SNTB1: variants seen among roughly 807,000 people sequenced by gnomAD.
SNTB1 encodes beta-1-syntrophin.
SNTB1 carries 36 observed loss-of-function variants against 48.9 expected under a neutral mutation model. The ratio of observed to expected loss-of-function variants is 0.74; its 90% confidence interval spans 0.56 to 0.97. SNTB1 has a LOEUF of 0.97. SNTB1 is among the 50% of genes least tolerant of loss of function. The pLI, the probability that SNTB1 is intolerant of heterozygous loss-of-function variation, is 0.00. For synonymous variants in SNTB1, 299 were observed against 294.6 expected (o/e 1.01, Z -0.15); for missense variants, 786 against 703.4 (o/e 1.12, Z -1.33).
intron 1 of SNTB1, among the ~76,000 whole-genome samples, chr8:120,795,535 A>G (rs984651983): frequency 7.2e-5 from 11 of 152,074 alleles, no homozygotes; most frequent in African/African-American, 2.7e-4. Context: ...AATATCTAGA[A>G]TGCTAGAATT....
chr8:120,605,006 C>A (rs1816489983), intron 3 of SNTB1, among the ~76,000 whole-genome samples: 1 of 152,154 alleles, frequency 6.6e-6, no homozygotes, highest in Admixed American at 6.5e-5. Flanking sequence ...GTAGTAGCAT[C>A]CTGAATCCCC....
intron 1 of SNTB1, among the ~76,000 whole-genome samples, chr8:120,785,055 C>T (rs985423099): frequency 1.3e-5 from 2 of 152,150 alleles, no homozygotes; most frequent in African/African-American, 4.8e-5. Context: ...CAGACTCCAG[C>T]AGGGATGGAG....
rs141548756 is a variant in SNTB1 at position 120,765,301 on chromosome 8, G to A, written c.571+45972C>T. Among the ~76,000 whole-genome samples, 3 of 152,268 alleles carry A rather than the reference G, an allele frequency of 2.0e-5. No homozygotes were observed. In the East Asian group the frequency reaches 5.8e-4, roughly 29 times the overall value. ...TCTTCCTTATAGGGAGTAATGGATGGTATAAGAGATAAGTAGAATTTGTGG... is the reference window on the plus strand; with the variant it reads ...TCTTCCTTATAGGGAGTAATGGATGATATAAGAGATAAGTAGAATTTGTGG... On this transcript the variant is annotated intron_variant, in intron 1 of 6. Transcript: ENST00000517992.
chr8:120,566,436 G>C (rs1207765201), intron 4 of SNTB1, among the ~76,000 whole-genome samples: 1 of 151,654 alleles, frequency 6.6e-6, no homozygotes, highest in African/African-American at 2.4e-5. Flanking sequence ...TCCATCTATG[G>C]AACCGAGAAC....
intron 1 of SNTB1, among the ~76,000 whole-genome samples, chr8:120,728,308 A>C (rs1257075344): frequency 6.6e-6 from 1 of 152,132 alleles, no homozygotes; most frequent in Non-Finnish European, 1.5e-5. Flanking sequence ...AGTATTTTTT[A>C]AACAAAATAT....
intron 3 of SNTB1, among the ~76,000 whole-genome samples, chr8:120,584,459 AAAG>A (rs200852047): frequency 0.014 from 2,055 of 148,258 alleles, 27 homozygotes; most frequent in Non-Finnish European, 0.018. Flanking sequence ...AAAAAAAAAA[AAAG>A]TGTAGTAATT....
At chr8:120,618,286 A>G (rs1816746517) in intron 3 of SNTB1, among the ~76,000 whole-genome samples, 1 of 152,172 alleles carries the variant, frequency 6.6e-6, no homozygotes, top group Non-Finnish European at 1.5e-5. Context: ...GTTCCCTGAG[A>G]ATATCTTTGT....
At chr8:120,799,180 A>C (rs1820173379) in intron 1 of SNTB1, among the ~76,000 whole-genome samples, 1 of 152,006 alleles carries the variant, frequency 6.6e-6, no homozygotes, top group East Asian at 1.9e-4. Context: ...TCACTGTCTC[A>C]TGTCTGCACT....
rs553791461 is a variant in SNTB1, at chr8:120,770,301, G to A, written c.571+40972C>T. Among the ~76,000 whole-genome samples the A allele has an allele frequency of 5.9e-5, 9 of 152,140 alleles. No homozygotes were observed. The South Asian group carries it at 1.7e-3, about 28-fold the overall frequency. ...GAAACCACCACCATCCACTTTGCAGGAAGTGAGGTCAGTGTGGATCCTTTC... is the reference window on the plus strand; with the variant it reads ...GAAACCACCACCATCCACTTTGCAGAAAGTGAGGTCAGTGTGGATCCTTTC... On this transcript the variant is annotated intron_variant, in intron 1 of 6. Transcript: ENST00000517992.
chr8:120,811,138 C>T (rs960758869), intron 1 of SNTB1, 135 bp downstream of exon 1: 2 of 1,238,108 alleles, frequency 1.6e-6, no homozygotes, highest in Non-Finnish European at 1.1e-6. Context: ...CCTTCCCCCC[C>T]CCCCAACACA....
intron 2 of SNTB1, among the ~76,000 whole-genome samples, chr8:120,656,254 T>C (rs1817501231): frequency 6.6e-6 from 1 of 152,180 alleles, no homozygotes; most frequent in South Asian, 2.1e-4. Context: ...TGTTCTGCTA[T>C]TTTTCACAAA....
intron 4 of SNTB1, among the ~76,000 whole-genome samples, chr8:120,552,708 G>T (rs1421868615): frequency 6.6e-6 from 1 of 152,164 alleles, no homozygotes; most frequent in Admixed American, 6.5e-5. Context: ...CCCACCTTTT[G>T]GGATGAGATG....
chr8:120,584,811 C>A (rs1816110959), intron 3 of SNTB1, among the ~76,000 whole-genome samples: 1 of 152,034 alleles, frequency 6.6e-6, no homozygotes, highest in Non-Finnish European at 1.5e-5. Context: ...GACTGGTGTG[C>A]TAATAAAAGG....
intron 4 of SNTB1, among the ~76,000 whole-genome samples, chr8:120,574,028 T>C (rs1815905687): frequency 6.6e-6 from 1 of 152,236 alleles, no homozygotes; most frequent in South Asian, 2.1e-4. Flanking sequence ...TAATTCAATA[T>C]TATTCAGCCT....
intron 1 of SNTB1, among the ~76,000 whole-genome samples, chr8:120,702,213 G>C (rs1200449712): frequency 6.6e-6 from 1 of 152,180 alleles, no homozygotes; most frequent in Non-Finnish European, 1.5e-5. Flanking sequence ...TGTGCCTGTT[G>C]CGGCACAGGG....
chr8:120,680,012 AC>A (rs1263716641), intron 2 of SNTB1, among the ~76,000 whole-genome samples: 1 of 152,142 alleles, frequency 6.6e-6, no homozygotes, highest in Non-Finnish European at 1.5e-5. Flanking sequence ...GTCTGTACTT[AC>A]ACTAGTTCCT....
chr8:120,767,768 C>T (rs1046087493), intron 1 of SNTB1, among the ~76,000 whole-genome samples: 4 of 152,272 alleles, frequency 2.6e-5, no homozygotes, highest in South Asian at 2.1e-4. Context: ...AAAGTTCTTT[C>T]GATAGTAGTC....
intron 1 of SNTB1, among the ~76,000 whole-genome samples, chr8:120,719,530 A>T (rs1238990070): frequency 1.3e-5 from 2 of 152,210 alleles, no homozygotes; most frequent in African/African-American, 4.8e-5. Context: ...GAGTCTGTCT[A>T]GCTTGCCCAG....
chr8:120,771,680 CCT>C (rs1407850154), intron 1 of SNTB1, among the ~76,000 whole-genome samples: 1 of 150,964 alleles, frequency 6.6e-6, no homozygotes, highest in Non-Finnish European at 1.5e-5. Context: ...CGAAACCATG[CCT>C]CTTTTTTTTT....
Sources: allele counts gnomAD v4.1 joint callset (sites outside exome capture counted in the v4.1 genomes callset), GRCh38; gene constraint gnomAD v4.1.1; transcripts MANE v1.5; gene names NCBI Gene and HGNC (gene_info 2026-07-23, HGNC 2026-07-21).